Variants in ST8SIA5 observed in about 807,000 individuals in gnomAD.
The protein encoded by ST8SIA5 is alpha-2,8-sialyltransferase 8E.
A neutral mutation model predicts 40.2 loss-of-function variants in ST8SIA5; 24 were observed. That is an observed-to-expected ratio of 0.60 (90% CI 0.43 to 0.84). The LOEUF (loss-of-function observed/expected upper bound fraction) is 0.84, where lower values mean the gene tolerates loss of function less well. ST8SIA5 is among the 40% of genes least tolerant of loss of function. The probability of loss-of-function intolerance (pLI) is 0.00; values close to 1 mark genes in which losing one functional copy is unlikely to be tolerated. For synonymous variants in ST8SIA5, 198 were observed against 201.8 expected (o/e 0.98, Z 0.16); for missense variants, 465 against 498.5 (o/e 0.93, Z 0.64).
rs954821776 is a variant in ST8SIA5 at position 46,756,722 on chromosome 18, G to C, written c.-214C>G. 9.2e-5 allele frequency: 49 copies of C among 530,252 alleles called. No individual in the cohort carries two copies. Among genetic ancestry groups the C allele is most frequent in the Non-Finnish European group, 1.4e-4 (45 of 312,232 alleles). The allele number at this position is 530,252 out of a possible 1,614,324, so 32.8% of individuals were successfully genotyped here. A position where few individuals can be genotyped will look rare whatever the true frequency, so the allele number is the denominator to read the frequency against. On this transcript the variant is annotated 5_prime_UTR_variant, in exon 1 of 7. Coordinates refer to ENST00000315087, the MANE Select transcript of ST8SIA5 (RefSeq NM_013305.6). ...TGGGGCGGCAAGCAGGACAGGGCCG[G>C]TGGCAGGGAGCTCTGCCGCGGCCAG...
intron 1 of ST8SIA5, among the ~76,000 whole-genome samples, chr18:46,715,321 T>C (rs1291645598): frequency 6.6e-6 from 1 of 152,206 alleles, no homozygotes; most frequent in Non-Finnish European, 1.5e-5. Flanking sequence ...GGGGTCGCAC[T>C]GCCCCCAAGG....
intron 1 of ST8SIA5, among the ~76,000 whole-genome samples, chr18:46,710,413 T>TTTCTTTCTG (rs1555695728): frequency 8.6e-5 from 11 of 127,506 alleles, no homozygotes; most frequent in African/African-American, 3.1e-4. Context: ...CTTTCTTTCT[T>TTTCTTTCTG]TCTTTTTCTT....
chr18:46,713,422 A>G (rs771337718), intron 1 of ST8SIA5, among the ~76,000 whole-genome samples: 4 of 152,196 alleles, frequency 2.6e-5, no homozygotes, highest in Non-Finnish European at 5.9e-5. Context: ...AGAGGAGATC[A>G]CAGGTAGGCA....
chr18:46,696,431 C>T (rs917913661), intron 2 of ST8SIA5, among the ~76,000 whole-genome samples: 10 of 152,222 alleles, frequency 6.6e-5, no homozygotes, highest in Non-Finnish European at 1.5e-5. Flanking sequence ...GTTCCAAGCT[C>T]TACTGTTACC....
intron 1 of ST8SIA5, among the ~76,000 whole-genome samples, chr18:46,712,806 T>C (rs1403388720): frequency 6.6e-6 from 1 of 152,046 alleles, no homozygotes; most frequent in Non-Finnish European, 1.5e-5. Flanking sequence ...TTCAATATAA[T>C]GCCACATAGC....
rs1488027668 is a variant in ST8SIA5 at position 46,757,050 on chromosome 18, C to G, written c.-542G>C. 6.6e-6 allele frequency: 1 copy of G among 152,396 alleles called. No homozygotes were observed. Among genetic ancestry groups the G allele is most frequent in the Non-Finnish European group, 1.5e-5 (1 of 68,676 alleles). 9.4% of individuals were successfully genotyped at this position (152,396 alleles called of 1,614,324 possible). A position where few individuals can be genotyped will look rare whatever the true frequency, so the allele number is the denominator to read the frequency against. On this transcript the variant is annotated 5_prime_UTR_variant, in exon 1 of 7. Transcript: ENST00000315087. ...CGCGAAGGTTGGCCTCCGGTTCTGCCGATAGGGACGGGGGGAGGGGGCGTA... is the reference window on the plus strand; with the variant it reads ...CGCGAAGGTTGGCCTCCGGTTCTGCGGATAGGGACGGGGGGAGGGGGCGTA...
At position 46,680,108 on chromosome 18, in the gene ST8SIA5, G is replaced by C; in HGVS notation, c.1065C>G (p.Phe355Leu). Reference protein sequence around the residue: ...PGFHAMPSEIFNFLHLHSRGI... With the variant: ...PGFHAMPSEILNFLHLHSRGI... ...CTCGGCTGTGCAAGTGCAGGAAGTT[G>C]AAGATCTCAGAGGGCATGGCGTGGA... Residue 355 changes from phenylalanine (F) to leucine (L), a missense_variant, in exon 7 of 7, where the codon TTC becomes TTG. Phe to Leu is a conservative substitution (Grantham distance 22). Transcript: ENST00000315087. 8.1e-6 allele frequency: 13 copies of C among 1,614,208 alleles called. No homozygotes were observed. The highest frequency in any genetic ancestry group is 1.1e-5 in the Non-Finnish European group (13 of 1,180,038).
intron 1 of ST8SIA5, among the ~76,000 whole-genome samples, chr18:46,742,684 T>C (rs1173683799): frequency 6.6e-6 from 1 of 152,240 alleles, no homozygotes; most frequent in African/African-American, 2.4e-5. Flanking sequence ...TAAACGTCCC[T>C]GTCTGACAGC....
At position 46,711,731 on chromosome 18, in the gene ST8SIA5, AGCTCAGCTGTTAACAACTG is replaced by A. The variant is rs1250585211; in HGVS notation, c.132-7086_132-7068del. 2.3e-3 allele frequency among the ~76,000 whole-genome samples: 343 copies of A among 152,372 alleles called. 3 individuals carry two copies. Among genetic ancestry groups the A allele is most frequent in the African/African-American group, 7.7e-3 (322 of 41,588 alleles). On this transcript the variant is annotated intron_variant, in intron 1 of 6. Coordinates refer to ENST00000315087, the MANE Select transcript of ST8SIA5 (RefSeq NM_013305.6). ...AGATAGGTAGGAGAGAGGCAAGAAC[AGCTCAGCTGTTAACAACTG>A]CGGGTCACAGCTGTCAGGAGACATG...
intron 1 of ST8SIA5, among the ~76,000 whole-genome samples, chr18:46,725,542 G>T (rs771524182): frequency 3.5e-5 from 4 of 113,424 alleles, no homozygotes; most frequent in Admixed American, 3.0e-4. Flanking sequence ...GGCACGGGTG[G>T]GGGGGGAACA....
intron 1 of ST8SIA5, among the ~76,000 whole-genome samples, chr18:46,719,706 C>CTT (rs879729983): frequency 0.017 from 2,520 of 145,026 alleles, 49 homozygotes; most frequent in Admixed American, 0.033. Flanking sequence ...TTCTTTCTTT[C>CTT]TCTCTTTCTT....
At chr18:46,741,063 T>A (rs945984543) in intron 1 of ST8SIA5, among the ~76,000 whole-genome samples, 3 of 151,852 alleles carry the variant, frequency 2.0e-5, no homozygotes, top group African/African-American at 7.3e-5. Flanking sequence ...AATCAAAGCA[T>A]AAAAATTAAT....
rs192824606 is a variant in ST8SIA5, at chr18:46,676,341, G to A, written c.*3701C>T. ...ACACCAGACCACAAACTCCCGGAGGGCAGGGACGACGTTTTGTTCATCACT... is the reference window on the plus strand; with the variant it reads ...ACACCAGACCACAAACTCCCGGAGGACAGGGACGACGTTTTGTTCATCACT... On this transcript the variant is annotated 3_prime_UTR_variant, in exon 7 of 7. Coordinates refer to ENST00000315087, the MANE Select transcript of ST8SIA5 (RefSeq NM_013305.6). 9 of 152,318 alleles carry A rather than the reference G, an allele frequency of 5.9e-5. No homozygotes were observed. In the East Asian group the frequency reaches 1.7e-3, roughly 29 times the overall value. 9.4% of individuals were successfully genotyped at this position (152,318 alleles called of 1,614,324 possible).
intron 1 of ST8SIA5, among the ~76,000 whole-genome samples, chr18:46,707,626 C>T (rs111788030): frequency 8.3e-4 from 127 of 152,324 alleles, no homozygotes; most frequent in Admixed American, 3.3e-4. Context: ...CATCCCTCCA[C>T]CCCTCATTGG....
At chr18:46,742,367 G>T (rs1017492377) in intron 1 of ST8SIA5, among the ~76,000 whole-genome samples, 1 of 151,770 alleles carries the variant, frequency 6.6e-6, no homozygotes, top group Non-Finnish European at 1.5e-5. Context: ...GTAAATTTTT[G>T]TGATGTTGGA....
chr18:46,681,763 G>A (rs1439225428), intron 6 of ST8SIA5, among the ~76,000 whole-genome samples: 2 of 152,170 alleles, frequency 1.3e-5, no homozygotes, highest in African/African-American at 2.4e-5. Context: ...CCACTATTTC[G>A]AAAATACTAT....
rs2040253024 is a variant in ST8SIA5, at chr18:46,756,707, A to G, written c.-199T>C. 1 of 605,712 alleles carries G rather than the reference A, an allele frequency of 1.7e-6. No homozygotes were observed. The highest frequency in any genetic ancestry group is 2.8e-6 in the Non-Finnish European group (1 of 363,500). 37.5% of individuals were successfully genotyped at this position (605,712 alleles called of 1,614,324 possible). A position where few individuals can be genotyped will look rare whatever the true frequency, so the allele number is the denominator to read the frequency against. On this transcript the variant is annotated 5_prime_UTR_variant, in exon 1 of 7. Transcript: ENST00000315087. ...AAGCGTCGCAGGCGCTGGGGCGGCA[A>G]GCAGGACAGGGCCGGTGGCAGGGAG... is the stretch of plus-strand genomic sequence containing the variant.
chr18:46,690,049 A>T (rs980519891), intron 3 of ST8SIA5, among the ~76,000 whole-genome samples: 2 of 152,206 alleles, frequency 1.3e-5, no homozygotes, highest in Non-Finnish European at 2.9e-5. Flanking sequence ...AGGCAGGGCC[A>T]TGGATTGGCA....
chr18:46,694,351 A>G lies in ST8SIA5; in HGVS notation c.225-2096T>C, dbSNP rs112266672. 4.3e-3 allele frequency among the ~76,000 whole-genome samples: 659 copies of G among 152,322 alleles called. 5 individuals carry two copies. The highest frequency in any genetic ancestry group is 0.015 in the African/African-American group (630 of 41,558). On this transcript the variant is annotated intron_variant, in intron 2 of 6. Coordinates refer to ENST00000315087, the MANE Select transcript of ST8SIA5 (RefSeq NM_013305.6). Reference sequence around the variant, plus strand: ...TCAGATCCCTTAATATGTCTCATATATTGTGAATTTCCAAGAAAATTATTG... The same window carrying G: ...TCAGATCCCTTAATATGTCTCATATGTTGTGAATTTCCAAGAAAATTATTG...
Sources: gnomAD v4.1 joint callset for allele counts (sites outside exome capture counted in the v4.1 genomes callset) on GRCh38, gnomAD v4.1.1 for gene constraint, MANE v1.5 for transcripts, NCBI Gene and HGNC (gene_info 2026-07-23, HGNC 2026-07-21) for gene names.